FBXO34: variants seen among roughly 807,000 people sequenced by gnomAD.
FBXO34 encodes the protein F-box protein 34.
A neutral mutation model predicts 24.5 loss-of-function variants in FBXO34; 12 were observed. That is an observed-to-expected ratio of 0.49 (90% CI 0.31 to 0.79). FBXO34 has a LOEUF of 0.79. Ranked by LOEUF, FBXO34 falls within the 30% of genes least tolerant of loss-of-function variation. The pLI, the probability that FBXO34 is intolerant of heterozygous loss-of-function variation, is 0.04. For synonymous variants in FBXO34, 320 were observed against 311.9 expected (o/e 1.03, Z -0.27); for missense variants, 823 against 857.7 (o/e 0.96, Z 0.51).
chr14:55,393,886 TAAATG>T, the FBXO34 span, among the ~76,000 whole-genome samples: 1 of 152,036 alleles, frequency 6.6e-6, no homozygotes, highest in African/African-American at 2.4e-5. Context: ...TTAAAATACA[TAAATG>T]AAATCATACT....
At chr14:55,371,829 C>G (rs1884825730), downstream of FBXO34, among the ~76,000 whole-genome samples, 1 of 151,924 alleles carries the variant, frequency 6.6e-6, no homozygotes, top group Admixed American at 6.6e-5. Flanking sequence ...AAACAAAGAG[C>G]CCCTCAGACT....
rs374114341 is a variant in FBXO34 at position 55,352,554 on chromosome 14, C to G, written c.*28C>G. On this transcript the variant is annotated 3_prime_UTR_variant, in exon 2 of 2. Coordinates refer to ENST00000313833, the MANE Select transcript of FBXO34 (RefSeq NM_017943.4). ...TCCATGTGAGAGGCAACAAAAGGAC[C>G]GGTTTCTAAAGCTGCAAAACACCTA... 1.3e-6 allele frequency: 2 copies of G among 1,550,408 alleles called. No individual in the cohort carries two copies. Among genetic ancestry groups the G allele is most frequent in the Admixed American group, 1.9e-5 (1 of 51,974 alleles).
At chr14:55,437,345 G>T in the FBXO34 span, among the ~76,000 whole-genome samples, 3 of 152,232 alleles carry the variant, frequency 2.0e-5, no homozygotes, top group Admixed American at 2.0e-4. Flanking sequence ...GAGCATGGTA[G>T]TGCCTGCCTG....
intron 1 of FBXO34, among the ~76,000 whole-genome samples, chr14:55,285,035 TAAA>T (rs774105315): frequency 1.5e-5 from 2 of 136,834 alleles, no homozygotes; most frequent in Non-Finnish European, 3.2e-5. Context: ...CAGGTGAGGT[TAAA>T]AAAAAAAAAA....
At chr14:55,282,936 G>A (rs1881609349) in intron 1 of FBXO34, among the ~76,000 whole-genome samples, 1 of 152,210 alleles carries the variant, frequency 6.6e-6, no homozygotes, top group African/African-American at 2.4e-5. Context: ...CAGAAACCAG[G>A]AGAGGCAAAC....
downstream of FBXO34, among the ~76,000 whole-genome samples, chr14:55,357,587 G>A (rs1884540092): frequency 6.6e-6 from 1 of 152,170 alleles, no homozygotes; most frequent in Non-Finnish European, 1.5e-5. Context: ...AGGCCAAGGT[G>A]GAAAAATCAT....
At chr14:55,323,024 A>AAAAAAAAAAAAAAAAAAAAAC (rs373936238) in intron 1 of FBXO34, among the ~76,000 whole-genome samples, 1 of 70,580 alleles carries the variant, frequency 1.4e-5, no homozygotes, top group African/African-American at 4.5e-5. Context: ...ATACAAAAAA[A>AAAAAAAAAAAAAAAAAAAAAC]AAAAAAAAAG....
chr14:55,343,933 T>G (rs985123822), intron 1 of FBXO34, among the ~76,000 whole-genome samples: 1 of 152,252 alleles, frequency 6.6e-6, no homozygotes, highest in African/African-American at 2.4e-5. Context: ...GAGTGTATAC[T>G]GTCTTTAGGT....
Position 55,351,950 on chromosome 14 carries a change from A to G in FBXO34, c.1560A>G (p.Ala520=), listed in dbSNP as rs200771544. The G allele has an allele frequency of 2.5e-6, 4 of 1,614,082 alleles. No homozygotes were observed. Among genetic ancestry groups the G allele is most frequent in the South Asian group, 1.1e-5 (1 of 91,090 alleles). ...AAGATGCTGCTGGGGGTGACAGTGC[A>G]TCTGAGGAAAAAAGTGGGTCTGCTG... ...QLEDAAGGDS[A]SEEKSGSAEP... The change falls in exon 2 of 2, where the codon GCA becomes GCG. Residue 520 remains alanine, a synonymous_variant. Transcript: ENST00000313833.
At chr14:55,309,520 T>A (rs1566549654) in intron 1 of FBXO34, among the ~76,000 whole-genome samples, 1 of 152,190 alleles carries the variant, frequency 6.6e-6, no homozygotes, top group Non-Finnish European at 1.5e-5. Flanking sequence ...ACCTCTTTTT[T>A]AAACTTATCT....
the FBXO34 span, among the ~76,000 whole-genome samples, chr14:55,412,222 G>T: frequency 1.3e-5 from 2 of 152,194 alleles, no homozygotes; most frequent in African/African-American, 4.8e-5. Flanking sequence ...AACAAAGTAG[G>T]GTGAAGGGGC....
At chr14:55,353,651 A>T (rs576078082), downstream of FBXO34, 3 of 167,054 alleles carry the variant, frequency 1.8e-5, no homozygotes, top group Admixed American at 6.5e-5. Flanking sequence ...TTTTGATACA[A>T]TGTTGAAGAA....
chr14:55,415,189 G>A, the FBXO34 span, among the ~76,000 whole-genome samples: 8 of 152,202 alleles, frequency 5.3e-5, no homozygotes, highest in Non-Finnish European at 1.2e-4. Context: ...TATTTATATG[G>A]AGCTTCAGCT....
chr14:55,291,943 G>A (rs998345397), intron 1 of FBXO34, among the ~76,000 whole-genome samples: 6 of 152,028 alleles, frequency 3.9e-5, no homozygotes, highest in Admixed American at 2.0e-4. Flanking sequence ...TCCAGCCTGC[G>A]TGACAAAGTA....
Position 55,353,280 on chromosome 14 carries a change from T to G in FBXO34, c.*754T>G, listed in dbSNP as rs1884455852. On this transcript the variant is annotated 3_prime_UTR_variant, in exon 2 of 2. Coordinates refer to ENST00000313833, the MANE Select transcript of FBXO34 (RefSeq NM_017943.4). The stretch of plus-strand genomic sequence containing the variant: ...GTGTTGCGGCTATAATTTTGTGTTT[T>G]TTTTTTTTAATTGTCTAGTCTTAAA... The G allele has an allele frequency of 6.0e-6, 1 of 166,990 alleles. No individual in the cohort carries two copies. The highest frequency in any genetic ancestry group is 1.5e-5 in the Non-Finnish European group (1 of 68,088). 10.3% of individuals were successfully genotyped at this position (166,990 alleles called of 1,614,324 possible). A position where few individuals can be genotyped will look rare whatever the true frequency, so the allele number is the denominator to read the frequency against.
chr14:55,318,564 A>G (rs1314852391), intron 1 of FBXO34, among the ~76,000 whole-genome samples: 8 of 146,464 alleles, frequency 5.5e-5, no homozygotes, highest in African/African-American at 2.0e-4. Flanking sequence ...GGGTCTTGCT[A>G]TGTTACCCAG....
chr14:55,336,893 CAT>C (rs1555338884), intron 1 of FBXO34, among the ~76,000 whole-genome samples: 3 of 150,050 alleles, frequency 2.0e-5, no homozygotes, highest in East Asian at 1.9e-4. Flanking sequence ...CACACACACA[CAT>C]ATATACTATT....
At chr14:55,280,526 A>ATTTTT (rs201409175) in intron 1 of FBXO34, among the ~76,000 whole-genome samples, 4 of 95,894 alleles carry the variant, frequency 4.2e-5, no homozygotes, top group East Asian at 2.5e-4. Flanking sequence ...TATATCAGGA[A>ATTTTT]CTTTTTTTTT....
At chr14:55,375,971 T>C in the FBXO34 span, among the ~76,000 whole-genome samples, 1 of 152,224 alleles carries the variant, frequency 6.6e-6, no homozygotes, top group Non-Finnish European at 1.5e-5. Context: ...TTTTCCCCCC[T>C]AATTATTAAT....
Sources: allele counts gnomAD v4.1 joint callset (sites outside exome capture counted in the v4.1 genomes callset), GRCh38; gene constraint gnomAD v4.1.1; transcripts MANE v1.5; gene names NCBI Gene and HGNC (gene_info 2026-07-23, HGNC 2026-07-21).